PCCA: variants seen among roughly 807,000 people sequenced by gnomAD.
PCCA encodes the protein propionyl-CoA carboxylase subunit alpha, also known as propionyl-CoA carboxylase alpha chain, mitochondrial.
A neutral mutation model predicts 101.3 loss-of-function variants in PCCA; 74 were observed. The ratio of observed to expected loss-of-function variants is 0.73; its 90% CI spans 0.61 to 0.89. The LOEUF is 0.89. PCCA is among the 40% of genes least tolerant of loss of function. PCCA has a pLI of 0.00. For missense variants in PCCA, 891 were observed against 907.0 expected, an observed-to-expected ratio of 0.98 and a Z score of 0.23; for synonymous variants, 294 against 313.6, an observed-to-expected ratio of 0.94 and a Z score of 0.66.
chr13:100,374,749 G>A (rs988268462), intron 19 of PCCA, among the ~76,000 whole-genome samples: 1 of 152,106 alleles, frequency 6.6e-6, no homozygotes, highest in African/African-American at 2.4e-5. Context: ...GATGTTTCAT[G>A]TTTACTACTA....
At chr13:100,100,687 A>G (rs1362797939) in intron 1 of PCCA, among the ~76,000 whole-genome samples, 1 of 152,102 alleles carries the variant, frequency 6.6e-6, no homozygotes, top group Admixed American at 6.5e-5. Flanking sequence ...CAGAGCCTTT[A>G]TGGGGCTCAT....
At chr13:100,525,731 G>A (rs1484968314) in intron 22 of PCCA, among the ~76,000 whole-genome samples, 1 of 152,218 alleles carries the variant, frequency 6.6e-6, no homozygotes, top group Non-Finnish European at 1.5e-5. Flanking sequence ...GGTAGGGGCT[G>A]TGCCACCCAT....
rs56396498 is a variant in PCCA at position 100,205,227 on chromosome 13, C to G, written c.469-4105C>G. Among the ~76,000 whole-genome samples, 1,181 of 152,214 alleles carry G rather than the reference C, an allele frequency of 7.8e-3. 16 individuals are homozygous for G. Among genetic ancestry groups the G allele is most frequent in the African/African-American group, 0.027 (1,127 of 41,530 alleles). On this transcript the variant is annotated intron_variant, in intron 6 of 23. Transcript: ENST00000376285. ...AGTGGATAAAATCTGGCCTTTTATT[C>G]TAAGTCACACCGCTGCCTGGTCAAG...
intron 18 of PCCA, among the ~76,000 whole-genome samples, chr13:100,357,799 A>G (rs751662400): frequency 3.7e-4 from 57 of 152,340 alleles, no homozygotes; most frequent in Non-Finnish European, 5.7e-4. Context: ...TAGGTCTCAG[A>G]GAATGATGTT....
intron 8 of PCCA, among the ~76,000 whole-genome samples, chr13:100,248,317 C>G (rs538356189): frequency 6.7e-4 from 102 of 152,092 alleles, no homozygotes; most frequent in Middle Eastern, 3.4e-3. Context: ...AAAAATGTCT[C>G]TTGTTCTTAT....
intron 21 of PCCA, among the ~76,000 whole-genome samples, chr13:100,460,283 A>G (rs1475867967): frequency 4.6e-5 from 7 of 152,240 alleles, no homozygotes; most frequent in East Asian, 1.9e-4. Context: ...ATAAGAATAA[A>G]TATTTTGTTA....
At chr13:100,497,042 T>G (rs1373182155) in intron 21 of PCCA, among the ~76,000 whole-genome samples, 1 of 152,216 alleles carries the variant, frequency 6.6e-6, no homozygotes, top group Non-Finnish European at 1.5e-5. Flanking sequence ...AAGGCTGTGC[T>G]CCTTGTTCCT....
At chr13:100,183,331 GA>G (rs1174585034) in intron 6 of PCCA, among the ~76,000 whole-genome samples, 1 of 152,134 alleles carries the variant, frequency 6.6e-6, no homozygotes, top group Non-Finnish European at 1.5e-5. Flanking sequence ...TTTTGAGCTG[GA>G]AAGACCTTGA....
intron 12 of PCCA, chr13:100,293,277 C>G (rs984546888): frequency 2.1e-6 from 1 of 471,270 alleles, no homozygotes; most frequent in Non-Finnish European, 4.4e-6. Context: ...TGTTGAAATT[C>G]TGTGAAGGCT....
At chr13:100,468,940 G>A (rs1005685114) in intron 21 of PCCA, among the ~76,000 whole-genome samples, 15 of 151,940 alleles carry the variant, frequency 9.9e-5, no homozygotes, top group African/African-American at 2.7e-4. Context: ...GACTGGGCGC[G>A]GTGGTTCATG....
At chr13:100,472,732 C>A (rs1427535825) in intron 21 of PCCA, among the ~76,000 whole-genome samples, 1 of 152,096 alleles carries the variant, frequency 6.6e-6, no homozygotes, top group Non-Finnish European at 1.5e-5. Flanking sequence ...AGGGAAAATA[C>A]TGGCTTGGTG....
chr13:100,239,773 C>A (rs900562052), intron 8 of PCCA, among the ~76,000 whole-genome samples: 1 of 152,148 alleles, frequency 6.6e-6, no homozygotes, highest in African/African-American at 2.4e-5. Flanking sequence ...CCAGATTATT[C>A]AGATTCTTTT....
intron 6 of PCCA, among the ~76,000 whole-genome samples, chr13:100,168,803 A>G (rs960101889): frequency 6.6e-6 from 1 of 152,116 alleles, no homozygotes; most frequent in Non-Finnish European, 1.5e-5. Flanking sequence ...TGACCAGTTT[A>G]TGGGAGGCTC....
chr13:100,353,010 A>G (rs1442916128), intron 18 of PCCA, among the ~76,000 whole-genome samples: 1 of 152,206 alleles, frequency 6.6e-6, no homozygotes, highest in Non-Finnish European at 1.5e-5. Flanking sequence ...AGCTGCCAAG[A>G]CAAAATATTG....
rs961022356 is a variant in PCCA at position 100,192,455 on chromosome 13, A to T, written c.469-16877A>T. Among the ~76,000 whole-genome samples, 4 of 152,340 alleles carry T rather than the reference A, an allele frequency of 2.6e-5. No individual in the cohort carries two copies. The East Asian group carries it at 7.7e-4, about 29-fold the overall frequency. ...CATGACTGTGTTAAGCAGACATCAA[A>T]GGCGTATAAAATTGAAATCTAGTTG... On this transcript the variant is annotated intron_variant, in intron 6 of 23. Coordinates refer to ENST00000376285, the MANE Select transcript of PCCA (RefSeq NM_000282.4).
chr13:100,359,341 G>A (rs1201086909), intron 18 of PCCA, among the ~76,000 whole-genome samples: 2 of 152,142 alleles, frequency 1.3e-5, no homozygotes, highest in Admixed American at 6.5e-5. Context: ...CCTAGCCAGT[G>A]CAGTTGGAAA....
At chr13:100,284,197 A>G (rs1268316682) in intron 12 of PCCA, among the ~76,000 whole-genome samples, 26 of 152,208 alleles carry the variant, frequency 1.7e-4, no homozygotes. Context: ...CCTCAGTTGT[A>G]ATTGGAAGAC....
intron 1 of PCCA, among the ~76,000 whole-genome samples, chr13:100,089,680 T>C (rs1426698054): frequency 6.6e-6 from 1 of 152,258 alleles, no homozygotes; most frequent in Non-Finnish European, 1.5e-5. Flanking sequence ...GTTAGGGTTG[T>C]GAGTTTGTCT....
At chr13:100,349,513 T>C (rs1480597184) in intron 18 of PCCA, among the ~76,000 whole-genome samples, 10 of 152,190 alleles carry the variant, frequency 6.6e-5, no homozygotes, top group Non-Finnish European at 1.5e-4. Context: ...TCCACCTGCT[T>C]TGGCCTCCCA....
Sources: gnomAD v4.1 joint callset for allele counts (sites outside exome capture counted in the v4.1 genomes callset) on GRCh38, gnomAD v4.1.1 for gene constraint, MANE v1.5 for transcripts, NCBI Gene and HGNC (gene_info 2026-07-23, HGNC 2026-07-21) for gene names.